CEP104: variants seen among roughly 807,000 people sequenced by gnomAD.
CEP104 encodes the protein centrosomal protein of 104 kDa.
A neutral mutation model predicts 113.3 loss-of-function variants in CEP104; 84 were observed. The observed-to-expected ratio is 0.74, with a 90% CI of 0.62 to 0.89. The LOEUF (loss-of-function observed/expected upper bound fraction) is 0.89. Ranked by LOEUF, CEP104 falls within the 40% of genes least tolerant of loss-of-function variation. The pLI, the probability that CEP104 is intolerant of heterozygous loss-of-function variation, is 0.00. For missense variants in CEP104, 1,053 were observed against 1,156.6 expected (o/e 0.91, Z 1.30); for synonymous variants, 378 against 421.7 (o/e 0.90, Z 1.27).
intron 2 of CEP104, among the ~76,000 whole-genome samples, chr1:3,850,536 G>A (rs1046287145): frequency 2.0e-5 from 3 of 152,110 alleles, no homozygotes; most frequent in Non-Finnish European, 4.4e-5. Context: ...CTCTTTAACC[G>A]CCCCGTCAGT....
At position 3,845,316 on chromosome 1, in the gene CEP104, A is replaced by T; in HGVS notation, c.462T>A (p.Pro154=). 1 of 1,609,578 alleles carries T rather than the reference A, an allele frequency of 6.2e-7. No homozygotes were observed. Among genetic ancestry groups the T allele is most frequent in the Non-Finnish European group, 8.5e-7 (1 of 1,176,676 alleles). ...ALVAINIIGD[P]ADFSDESNTA... ...TATTGCTTTCATCACTGAAATCTGC[A>T]GGGTCTCCAATGATATTTATGGCAA... Residue 154 remains proline (P), a synonymous_variant, in exon 5 of 22, where the codon CCT becomes CCA. Transcript: ENST00000378230.
intron 1 of CEP104, among the ~76,000 whole-genome samples, chr1:3,853,824 G>A (rs891196375): frequency 6.6e-6 from 1 of 152,130 alleles, no homozygotes; most frequent in Non-Finnish European, 1.5e-5. Flanking sequence ...GCTGGGTGTG[G>A]TGGTTCCTGC....
At chr1:3,826,316 G>T (rs1443781137) in intron 17 of CEP104, 54 bp downstream of exon 17, 6 of 1,492,404 alleles carry the variant, frequency 4.0e-6, no homozygotes, top group Non-Finnish European at 4.7e-6. Context: ...CAGGGTTTCT[G>T]TGTGGCTGGT....
intron 15 of CEP104, among the ~76,000 whole-genome samples, chr1:3,827,886 TTGCTGCCTGC>T (rs1184916810): frequency 6.6e-6 from 1 of 152,146 alleles, no homozygotes; most frequent in Admixed American, 6.5e-5. Flanking sequence ...GGACTTTGCT[TTGCTGCCTGC>T]TGTATTTCCA....
At chr1:3,816,963 T>A (rs1399454896) in intron 20 of CEP104, among the ~76,000 whole-genome samples, 2 of 152,250 alleles carry the variant, frequency 1.3e-5, no homozygotes, top group African/African-American at 4.8e-5. Flanking sequence ...CTGTTGGATA[T>A]AAACGCGGGA....
intron 15 of CEP104, among the ~76,000 whole-genome samples, chr1:3,828,191 G>C (rs1644129950): frequency 6.6e-6 from 1 of 152,210 alleles, no homozygotes; most frequent in African/African-American, 2.4e-5. Flanking sequence ...GTACATGCTA[G>C]CTCATGGCTG....
At position 3,836,492 on chromosome 1, in the gene CEP104, T is replaced by TTTTA. The variant is rs1553162946; in HGVS notation, c.1317+2_1317+3insTAAA. 2 of 1,543,046 alleles carry TTTTA rather than the reference T, an allele frequency of 1.3e-6. No homozygotes were observed. The highest frequency in any genetic ancestry group is 1.7e-6 in the Non-Finnish European group (2 of 1,149,604). Reference sequence around the variant, plus strand: ...CGTTTTTTTTTTTTTTTTTTTTTTTTACCAAGGTTTCTCCCAACACATCGA... The same window carrying TTTTA: ...CGTTTTTTTTTTTTTTTTTTTTTTTTTTTAACCAAGGTTTCTCCCAACACATCGA... On this transcript the variant is annotated splice_region_variant and intron_variant, in intron 10 of 21. Transcript: ENST00000378230.
At chr1:3,851,392 T>C (rs1644607858) in intron 2 of CEP104, among the ~76,000 whole-genome samples, 1 of 152,180 alleles carries the variant, frequency 6.6e-6, no homozygotes, top group Non-Finnish European at 1.5e-5. Flanking sequence ...GACAGAATTA[T>C]ATCACTGAAT....
Position 3,829,999 on chromosome 1 carries a change from T to C in CEP104, c.1837-2A>G. 2 of 1,612,166 alleles carry C rather than the reference T, an allele frequency of 1.2e-6. No individual in the cohort carries two copies. The highest frequency in any genetic ancestry group is 1.7e-6 in the Non-Finnish European group (2 of 1,178,364). On this transcript the variant is annotated splice_acceptor_variant, in intron 13 of 21. Coordinates refer to ENST00000378230, the MANE Select transcript of CEP104 (RefSeq NM_014704.4). LOFTEE classifies it high-confidence loss of function. ...ATGCTCCAGGGCACTCACTGAAAAC[T>C]AAAGTTGGGAGGGGCTCTTGTTACT...
intron 4 of CEP104, 33 bp downstream of exon 4, chr1:3,847,442 G>C: frequency 6.5e-7 from 1 of 1,540,802 alleles, no homozygotes; most frequent in Non-Finnish European, 8.7e-7. Context: ...GAAGGTAGGG[G>C]CAGAATCAAA....
Position 3,839,862 on chromosome 1 carries a change from C to T in CEP104, c.567-86G>A, listed in dbSNP as rs1644383065. ...GATGCACGGTTGAGAAGATGCCCCT[C>T]CCCATCCTGCCCCATCATGGTTCAC... On this transcript the variant is annotated intron_variant, in intron 6 of 21. Coordinates refer to ENST00000378230, the MANE Select transcript of CEP104 (RefSeq NM_014704.4). 6.1e-6 allele frequency: 6 copies of T among 985,546 alleles called. No individual in the cohort carries two copies. In the East Asian group the frequency reaches 1.2e-4, roughly 20 times the overall value. The allele number at this position is 985,546 out of a possible 1,614,324, so 61.1% of individuals were successfully genotyped here.
intron 12 of CEP104, chr1:3,833,571 C>T: frequency 1.0e-5 from 3 of 297,810 alleles, no homozygotes; most frequent in African/African-American, 2.1e-5. Context: ...TTTCTTTACC[C>T]TCAGATTTTC....
chr1:3,848,204 A>G (rs1644543880), intron 3 of CEP104, among the ~76,000 whole-genome samples: 1 of 152,172 alleles, frequency 6.6e-6, no homozygotes, highest in Non-Finnish European at 1.5e-5. Flanking sequence ...GAAGTACATA[A>G]CACAGGACCA....
intron 10 of CEP104, among the ~76,000 whole-genome samples, chr1:3,836,005 TAAA>T (rs34927580): frequency 3.5e-5 from 5 of 142,110 alleles, no homozygotes; most frequent in Non-Finnish European, 3.1e-5. Flanking sequence ...CTCTGTTTCA[TAAA>T]AAAAAAAAAA....
At chr1:3,816,243 A>C in intron 21 of CEP104, 37 bp downstream of exon 21, 1 of 1,513,634 alleles carries the variant, frequency 6.6e-7, no homozygotes, top group African/African-American at 1.4e-5. Flanking sequence ...AAATGGAGGG[A>C]TGCAGACTAC....
intron 12 of CEP104, 47 bp downstream of exon 12, chr1:3,833,815 A>C (rs1256364514): frequency 6.3e-7 from 1 of 1,576,678 alleles, no homozygotes; most frequent in Non-Finnish European, 8.7e-7. Context: ...GAGCTACAGG[A>C]ATATGTTTAT....
chr1:3,851,434 G>C (rs762211512), intron 2 of CEP104, among the ~76,000 whole-genome samples: 3 of 152,080 alleles, frequency 2.0e-5, no homozygotes, highest in Non-Finnish European at 4.4e-5. Flanking sequence ...CGCGTTCGCG[G>C]GTTAGGAATA....
intron 12 of CEP104, among the ~76,000 whole-genome samples, chr1:3,831,449 A>C (rs1557671429): frequency 6.6e-6 from 1 of 152,246 alleles, no homozygotes; most frequent in African/African-American, 2.4e-5. Flanking sequence ...ATCATGAAGA[A>C]TAAAACGATT....
intron 17 of CEP104, 98 bp downstream of exon 17, chr1:3,826,272 C>T (rs552470477): frequency 9.7e-6 from 10 of 1,028,310 alleles, no homozygotes; most frequent in Admixed American, 3.6e-5. Context: ...ATGATGACTA[C>T]GAAGGGCCAA....
Sources: gnomAD v4.1 joint callset for allele counts (sites outside exome capture counted in the v4.1 genomes callset) on GRCh38, gnomAD v4.1.1 for gene constraint, MANE v1.5 for transcripts, NCBI Gene and HGNC (gene_info 2026-07-23, HGNC 2026-07-21) for gene names.